MTSS1: variants seen among roughly 807,000 people sequenced by gnomAD.
MTSS1 encodes MTSS I-BAR domain containing 1, also known as protein MTSS 1.
In MTSS1, 18 loss-of-function variants were observed where a neutral mutation model predicts 79.0. The observed-to-expected ratio is 0.23, with a 90% CI of 0.16 to 0.34. The LOEUF (loss-of-function observed/expected upper bound fraction) is 0.34, where lower values mean the gene tolerates loss of function less well. Among genes scored for constraint, MTSS1 ranks in the 10% least tolerant of loss-of-function variants. The probability of loss-of-function intolerance (pLI) is 1.00; values close to 1 mark genes in which losing one functional copy is unlikely to be tolerated. For missense variants in MTSS1, 815 were observed against 986.2 expected (o/e 0.83, Z 2.33); for synonymous variants, 341 against 368.6 (o/e 0.93, Z 0.86).
At chr8:124,606,962 T>G (rs2013845) in intron 3 of MTSS1, among the ~76,000 whole-genome samples, 3 of 151,916 alleles carry the variant, frequency 2.0e-5, no homozygotes, top group Non-Finnish European at 4.4e-5. Flanking sequence ...CTCCGCAACC[T>G]GTCTTAGCAG....
intron 3 of MTSS1, among the ~76,000 whole-genome samples, chr8:124,610,353 A>T (rs898412465): frequency 1.3e-5 from 2 of 152,180 alleles, no homozygotes; most frequent in Admixed American, 1.3e-4. Flanking sequence ...TTAGAAGATA[A>T]TTACTAACAA....
intron 3 of MTSS1, among the ~76,000 whole-genome samples, chr8:124,636,431 A>G (rs1817011977): frequency 1.3e-5 from 2 of 152,172 alleles, no homozygotes; most frequent in Non-Finnish European, 2.9e-5. Flanking sequence ...GCACCCCGCC[A>G]AAGTTTGGTG....
chr8:124,708,471 C>T (rs1218133308), intron 1 of MTSS1, among the ~76,000 whole-genome samples: 4 of 152,208 alleles, frequency 2.6e-5, no homozygotes, highest in Non-Finnish European at 5.9e-5. Context: ...TGGGAAGCAT[C>T]TGCATCTCCC....
At chr8:124,684,474 T>C (rs972024389) in intron 3 of MTSS1, among the ~76,000 whole-genome samples, 1 of 152,192 alleles carries the variant, frequency 6.6e-6, no homozygotes, top group African/African-American at 2.4e-5. Flanking sequence ...GCGGCCATGT[T>C]TCAAGGAAGC....
At chr8:124,666,573 C>G (rs1823127905) in intron 3 of MTSS1, among the ~76,000 whole-genome samples, 1 of 152,164 alleles carries the variant, frequency 6.6e-6, no homozygotes, top group Non-Finnish European at 1.5e-5. Context: ...TCCACAGACC[C>G]CTTGAAACTG....
rs1425646866 is a variant in MTSS1, at chr8:124,553,102, G to C, written c.2158C>G (p.Leu720Val). Residue 720 changes from leucine to valine, a missense_variant, in exon 14 of 14, where the codon CTG becomes GTG. Physicochemically the swap from Leu to Val is conservative, Grantham distance 32. Around this residue, in one of 2 missense-constraint regions of MTSS1, gnomAD observed 590 missense variants for 620.8 expected, o/e 0.95. Transcript: ENST00000518547. This position sits in a 1 kb window ranked among gnomAD's most constrained non-coding sequence, Gnocchi z 6.0. ...CCTTGTGGAGTATCCCTTGGGCTCA[G>C]GTCTGCAGGGTCACTCTCTGGAATC... Reference protein sequence around the residue: ...GQIPESDPADLSPRDTPQGED... With the variant: ...GQIPESDPADVSPRDTPQGED... The C allele has an allele frequency of 6.2e-7, 1 of 1,614,104 alleles. No homozygotes were observed. The highest frequency in any genetic ancestry group is 1.7e-5 in the Admixed American group (1 of 60,006).
intron 6 of MTSS1, chr8:124,580,540 G>A (rs1308390823): frequency 1.3e-6 from 2 of 1,535,900 alleles, no homozygotes; most frequent in Non-Finnish European, 1.7e-6. Flanking sequence ...GATTTGGGAT[G>A]GTAGACTTAC....
At chr8:124,701,099 C>A (rs796167683) in intron 2 of MTSS1, among the ~76,000 whole-genome samples, 2 of 152,070 alleles carry the variant, frequency 1.3e-5, no homozygotes, top group Non-Finnish European at 2.9e-5. Context: ...TAGCCGGGCA[C>A]AGTGGTGCAT....
chr8:124,633,109 G>A (rs535819203), intron 3 of MTSS1, among the ~76,000 whole-genome samples: 2 of 152,192 alleles, frequency 1.3e-5, no homozygotes, highest in African/African-American at 2.4e-5. Context: ...CCAGAGGTTC[G>A]AGACCAGCCT....
intron 4 of MTSS1, among the ~76,000 whole-genome samples, chr8:124,589,952 G>A (rs995893851): frequency 9.2e-5 from 14 of 152,104 alleles, no homozygotes; most frequent in African/African-American, 2.7e-4. Flanking sequence ...CACCTCCCAG[G>A]TTCAAGCGAT....
At chr8:124,724,494 A>G (rs1039745574) in intron 1 of MTSS1, among the ~76,000 whole-genome samples, 1 of 152,176 alleles carries the variant, frequency 6.6e-6, no homozygotes, top group African/African-American at 2.4e-5. Flanking sequence ...AACCTCGTAC[A>G]AAGTTCTCCC....
intron 11 of MTSS1, chr8:124,556,674 G>A: frequency 2.1e-6 from 1 of 485,858 alleles, no homozygotes; most frequent in South Asian, 2.7e-5. Flanking sequence ...AGGAGACCCG[G>A]CAGCCACCTA....
At position 124,553,627 on chromosome 8, in the gene MTSS1, A is replaced by G. The variant is rs778548186; in HGVS notation, c.1633T>C (p.Ser545Pro). ...TCGCTGTTTCTTGGAATGGTGGAGGACTTGTCGAACTCCTGCTGATCTGCC... is the reference window on the plus strand; with the variant it reads ...TCGCTGTTTCTTGGAATGGTGGAGGGCTTGTCGAACTCCTGCTGATCTGCC... ...QEADQQEFDK[S>P]STIPRNSDIS... Residue 545 changes from serine to proline, a missense_variant, in exon 14 of 14, where the codon TCC (serine) becomes CCC (proline). This residue lies in a region of MTSS1 where 590 missense variants were observed against 620.8 expected (regional missense o/e 0.95). Transcript: ENST00000518547. This position sits in a 1 kb window ranked among gnomAD's most constrained non-coding sequence, Gnocchi z 6.0. The G allele has an allele frequency of 1.2e-6, 2 of 1,614,126 alleles. No individual in the cohort carries two copies. The highest frequency in any genetic ancestry group is 4.5e-5 in the East Asian group (2 of 44,868).
chr8:124,595,514 T>C (rs1397877575), intron 3 of MTSS1, among the ~76,000 whole-genome samples: 1 of 152,102 alleles, frequency 6.6e-6, no homozygotes, highest in Admixed American at 6.5e-5. Context: ...AGCGGTGCAA[T>C]CTACTCCCTT....
intron 3 of MTSS1, among the ~76,000 whole-genome samples, chr8:124,631,474 T>A (rs1815937962): frequency 6.6e-6 from 1 of 152,216 alleles, no homozygotes; most frequent in African/African-American, 2.4e-5. Flanking sequence ...CGCAGGCCAC[T>A]GCCTCCTCAG....
At chr8:124,584,606 G>A (rs1830541886) in intron 6 of MTSS1, among the ~76,000 whole-genome samples, 1 of 152,148 alleles carries the variant, frequency 6.6e-6, no homozygotes. Flanking sequence ...CCTCCCTCAT[G>A]AACACCATGG....
intron 1 of MTSS1, among the ~76,000 whole-genome samples, chr8:124,717,858 T>A (rs894360169): frequency 6.6e-6 from 1 of 152,220 alleles, no homozygotes; most frequent in African/African-American, 2.4e-5. Flanking sequence ...CAGGGATTTG[T>A]GTCCATTGTG....
At chr8:124,714,779 T>A (rs1194224007) in intron 1 of MTSS1, among the ~76,000 whole-genome samples, 1 of 152,142 alleles carries the variant, frequency 6.6e-6, no homozygotes, top group Non-Finnish European at 1.5e-5. Context: ...CCCAGTTCTT[T>A]TTAAAATAAA....
At position 124,728,058 on chromosome 8, in the gene MTSS1, C is replaced by G; in HGVS notation, c.-103G>C. The G allele has an allele frequency of 2.1e-6, 2 of 952,528 alleles. No homozygotes were observed. Among genetic ancestry groups the G allele is most frequent in the East Asian group, 2.8e-5 (1 of 36,124 alleles). 59.0% of individuals were successfully genotyped at this position (952,528 alleles called of 1,614,324 possible). On this transcript the variant is annotated 5_prime_UTR_variant, in exon 1 of 14. Transcript: ENST00000518547. This position sits in a 1 kb window ranked among gnomAD's most constrained non-coding sequence, Gnocchi z 6.1. ...GAAGGAATTTCACCTTCCGAGAGAC[C>G]CACCTCGGACTCGCAGCCTCTTCTG...
Sources: allele counts gnomAD v4.1 joint callset (sites outside exome capture counted in the v4.1 genomes callset), GRCh38; gene constraint gnomAD v4.1.1; regional missense constraint gnomAD v4.1.1; non-coding constraint Gnocchi (gnomAD v3.1); transcripts MANE v1.5; gene names NCBI Gene and HGNC (gene_info 2026-07-23, HGNC 2026-07-21).